The following FGF14 variants were observed in gnomAD, a reference collection of about 807,000 sequenced individuals.
FGF14 encodes the protein fibroblast growth factor 14.
FGF14 carries 5 observed loss-of-function variants against 25.5 expected under a neutral mutation model. That is an observed-to-expected ratio of 0.20 (90% CI 0.10 to 0.41). The LOEUF (loss-of-function observed/expected upper bound fraction) is 0.41, where lower values mean the gene tolerates loss of function less well. Among genes scored for constraint, FGF14 ranks in the 10% least tolerant of loss-of-function variants. The pLI is 1.00. For synonymous variants in FGF14, 138 were observed against 118.3 expected (o/e 1.17, Z -1.08); for missense variants, 222 against 320.1 (o/e 0.69, Z 2.34).
intron 2 of FGF14, 94 bp from the exon 3 acceptor site, chr13:101,868,922 C>T (rs1452738688): frequency 2.4e-6 from 2 of 820,238 alleles, no homozygotes; most frequent in Non-Finnish European, 4.2e-6. Context: ...TAAGAAACAT[C>T]ATCTTTGCCA....
chr13:101,903,280 A>T (rs1194273556), intron 1 of FGF14, among the ~76,000 whole-genome samples: 3 of 150,236 alleles, frequency 2.0e-5, no homozygotes, highest in African/African-American at 2.5e-5. Flanking sequence ...TGTTAGTTAG[A>T]CCTCTTTTCC....
At chr13:102,018,492 C>A (rs2040462010) in intron 1 of FGF14, among the ~76,000 whole-genome samples, 1 of 152,146 alleles carries the variant, frequency 6.6e-6, no homozygotes, top group African/African-American at 2.4e-5. Flanking sequence ...TATCTCAACT[C>A]CATGCTTTGC....
intron 3 of FGF14, among the ~76,000 whole-genome samples, chr13:101,821,604 T>C (rs1055394610): frequency 1.3e-5 from 2 of 152,206 alleles, no homozygotes; most frequent in South Asian, 2.1e-4. Flanking sequence ...TTAACGTTAG[T>C]AGATTTTGCC....
chr13:102,138,059 T>G (rs2046488384), intron 1 of FGF14, among the ~76,000 whole-genome samples: 1 of 148,262 alleles, frequency 6.7e-6, no homozygotes, highest in African/African-American at 2.5e-5. Flanking sequence ...TCCATCGCCC[T>G]GGCCTGAGGC....
chr13:102,147,174 T>G (rs1275523542), intron 1 of FGF14, among the ~76,000 whole-genome samples: 4 of 152,232 alleles, frequency 2.6e-5, no homozygotes, highest in Non-Finnish European at 5.9e-5. Flanking sequence ...ACCTTACTTG[T>G]GTCTAGTCAA....
intron 1 of FGF14, among the ~76,000 whole-genome samples, chr13:102,131,935 G>A (rs973803304): frequency 6.6e-6 from 1 of 152,170 alleles, no homozygotes; most frequent in Non-Finnish European, 1.5e-5. Context: ...AAGATAGGAG[G>A]AATTAAGTAC....
At chr13:102,225,013 T>C (rs1398435422) in intron 1 of FGF14, among the ~76,000 whole-genome samples, 2 of 152,096 alleles carry the variant, frequency 1.3e-5, no homozygotes, top group Non-Finnish European at 2.9e-5. Flanking sequence ...AGAGGAGCCC[T>C]TCTGAGGGTC....
chr13:102,379,346 A>G lies in FGF14; in HGVS notation c.208+22125T>C, dbSNP rs137877257. On this transcript the variant is annotated intron_variant, in intron 1 of 4. Coordinates refer to the FGF14 transcript ENST00000376131. ...TTGACACTAAAAGTAAAGAAACAGC[A>G]AAGGTACATATGTTTTATTCTCTAC... Among the ~76,000 whole-genome samples, 32 of 152,150 alleles carry G rather than the reference A, an allele frequency of 2.1e-4. No individual in the cohort carries two copies. The East Asian group carries it at 4.2e-3, about 20-fold the overall frequency.
At chr13:102,020,635 T>C (rs2040594522) in intron 1 of FGF14, among the ~76,000 whole-genome samples, 1 of 151,924 alleles carries the variant, frequency 6.6e-6, no homozygotes, top group Admixed American at 6.6e-5. Context: ...AAAAGTAAGA[T>C]GATTAGAAGA....
chr13:101,844,167 A>T (rs2140329231), intron 3 of FGF14, among the ~76,000 whole-genome samples: 1 of 152,174 alleles, frequency 6.6e-6, no homozygotes, highest in Non-Finnish European at 1.5e-5. Flanking sequence ...AAAATGCAAC[A>T]GTCTTAAAAT....
At chr13:101,758,705 A>G (rs542133149) in intron 3 of FGF14, among the ~76,000 whole-genome samples, 7 of 152,306 alleles carry the variant, frequency 4.6e-5, no homozygotes, top group African/African-American at 1.7e-4. Context: ...ACAAATCGAA[A>G]AAGTCCATGA....
intron 1 of FGF14, among the ~76,000 whole-genome samples, chr13:102,336,823 C>G (rs1220048587): frequency 1.3e-5 from 2 of 152,164 alleles, no homozygotes; most frequent in Non-Finnish European, 2.9e-5. Flanking sequence ...AATTATGTAC[C>G]TGTCCTCTAT....
At chr13:102,399,887 C>T (rs560731153) in intron 1 of FGF14, among the ~76,000 whole-genome samples, 1 of 152,246 alleles carries the variant, frequency 6.6e-6, no homozygotes, top group South Asian at 2.1e-4. Context: ...AGGCTACTAC[C>T]AGAGCCTCAA....
At chr13:101,870,755 A>G (rs887346552) in intron 2 of FGF14, among the ~76,000 whole-genome samples, 7 of 152,172 alleles carry the variant, frequency 4.6e-5, no homozygotes, top group African/African-American at 1.4e-4. Flanking sequence ...GGAGTTCGAG[A>G]CCAGCCTGAC....
At chr13:101,891,423 A>G (rs1411565455) in intron 1 of FGF14, among the ~76,000 whole-genome samples, 1 of 152,156 alleles carries the variant, frequency 6.6e-6, no homozygotes, top group East Asian at 1.9e-4. Flanking sequence ...AATGCCTAGT[A>G]GTAATACAAG....
intron 1 of FGF14, among the ~76,000 whole-genome samples, chr13:102,300,842 C>T (rs925008418): frequency 6.6e-6 from 1 of 151,692 alleles, no homozygotes. Context: ...ATCTTTTGCC[C>T]ATCACAGAAC....
intron 3 of FGF14, among the ~76,000 whole-genome samples, chr13:101,830,974 G>A (rs1273588603): frequency 1.3e-5 from 2 of 152,002 alleles, no homozygotes; most frequent in Non-Finnish European, 2.9e-5. Context: ...CTACTTTTAA[G>A]TAATCTTGTG....
chr13:101,948,685 GC>G (rs1213158863), intron 1 of FGF14, among the ~76,000 whole-genome samples: 1 of 150,818 alleles, frequency 6.6e-6, no homozygotes, highest in South Asian at 2.1e-4. Flanking sequence ...TGACAAAGAA[GC>G]AAAAATGAGT....
chr13:102,060,406 G>C, intron 1 of FGF14, among the ~76,000 whole-genome samples: 1 of 152,174 alleles, frequency 6.6e-6, no homozygotes, highest in South Asian at 2.1e-4. Flanking sequence ...GGCGCCTGTA[G>C]TCCCAGCCAC....
Sources: gnomAD v4.1 joint callset for allele counts (sites outside exome capture counted in the v4.1 genomes callset) on GRCh38, gnomAD v4.1.1 for gene constraint, MANE v1.5 for transcripts, NCBI Gene and HGNC (gene_info 2026-07-23, HGNC 2026-07-21) for gene names.